SHARPIN: variants seen among roughly 807,000 people sequenced by gnomAD.
SHARPIN encodes SHANK associated RH domain interactor, also known as hSIPL1.
Under a neutral mutation model 40.3 loss-of-function variants are expected in SHARPIN, and 25 were observed. The observed-to-expected ratio is 0.62, with a 90% CI of 0.45 to 0.87. SHARPIN has a LOEUF of 0.87. SHARPIN is among the 40% of genes least tolerant of loss of function. The pLI is 0.00. For synonymous variants in SHARPIN, 274 were observed against 221.8 expected (o/e 1.24, Z -2.09); for missense variants, 551 against 516.1 (o/e 1.07, Z -0.66).
chr8:144,099,124 G>A lies in SHARPIN; in HGVS notation c.1004C>T (p.Pro335Leu), dbSNP rs1836229646. ...GCTGGAGGCAGCTGGCTGGGGGCCTGGGGGTAGCCCCAATGATGGGGGAAA... is the reference window on the plus strand; with the variant it reads ...GCTGGAGGCAGCTGGCTGGGGGCCTAGGGGTAGCCCCAATGATGGGGGAAA... ...RLFPPSLGLP[P>L]GPQPAASSLP... Residue 335 changes from proline (P) to leucine (L), a missense_variant, in exon 7 of 9, where the codon CCA becomes CTA. Physicochemically the swap from Pro to Leu is moderately conservative, Grantham distance 98 (BLOSUM62 -3). Transcript: ENST00000398712. 6.3e-7 allele frequency: 1 copy of A among 1,587,800 alleles called. No individual in the cohort carries two copies. The highest frequency in any genetic ancestry group is 8.6e-7 in the Non-Finnish European group (1 of 1,167,508).
Position 144,103,759 on chromosome 8 carries a change from G to A in SHARPIN, c.-6C>T. ...CCGCCCGCTGGCGGCGCCATCTCCG[G>A]TCCGGCCGGGTCCCACCCCTCCGAG... On this transcript the variant is annotated 5_prime_UTR_variant, in exon 1 of 9. Transcript: ENST00000398712. The A allele has an allele frequency of 7.3e-7, 1 of 1,365,336 alleles. No homozygotes were observed. The highest frequency in any genetic ancestry group is 1.5e-5 in the African/African-American group (1 of 65,198). 84.6% of individuals were successfully genotyped at this position (1,365,336 alleles called of 1,614,324 possible).
intron 2 of SHARPIN, among the ~76,000 whole-genome samples, chr8:144,101,817 G>C (rs1445808735): frequency 6.6e-6 from 1 of 152,110 alleles, no homozygotes; most frequent in African/African-American, 2.4e-5. Flanking sequence ...ATAGGATGGG[G>C]ATGGGAGGTT....
In SHARPIN at chr8:144,103,733, C is replaced by T. The variant is rs980889701; in HGVS notation, c.21G>A (p.Gly7=). 5.4e-4 allele frequency: 745 copies of T among 1,386,506 alleles called. 2 individuals carry two copies. Among genetic ancestry groups the T allele is most frequent in the Non-Finnish European group, 5.1e-4 (552 of 1,076,780 alleles). 85.9% of individuals were successfully genotyped at this position (1,386,506 alleles called of 1,614,324 possible). Residue 7 remains glycine (G), a synonymous_variant, in exon 1 of 9, where the codon GGG becomes GGA. Transcript: ENST00000398712. ...CCAAGTCCGAGGCCGCCGCCGCCGC[C>T]CCGCCCGCTGGCGGCGCCATCTCCG... MAPPAG[G]AAAAASDLGS... is the part of the protein sequence containing the mutation.
chr8:144,101,958 T>C (rs1239131008), intron 2 of SHARPIN, among the ~76,000 whole-genome samples: 1 of 152,246 alleles, frequency 6.6e-6, no homozygotes, highest in Non-Finnish European at 1.5e-5. Flanking sequence ...ACTGTCTGGC[T>C]GTCTTCCTAC....
At chr8:144,100,344 GCT>G (rs368352063) in intron 2 of SHARPIN, among the ~76,000 whole-genome samples, 5 of 152,226 alleles carry the variant, frequency 3.3e-5, no homozygotes, top group East Asian at 1.9e-4. Context: ...ACCTCTCTTG[GCT>G]CTTTCTGCCA....
intron 2 of SHARPIN, among the ~76,000 whole-genome samples, chr8:144,101,568 C>G (rs1836287903): frequency 7.3e-6 from 1 of 137,678 alleles, no homozygotes; most frequent in Admixed American, 8.2e-5. Context: ...ACCACCACAC[C>G]CAGCTAATTT....
At chr8:144,101,299 C>T (rs1342737950) in intron 2 of SHARPIN, among the ~76,000 whole-genome samples, 1 of 151,556 alleles carries the variant, frequency 6.6e-6, no homozygotes, top group Non-Finnish European at 1.5e-5. Context: ...TGCAGTGGCA[C>T]GATCACAGCT....
In SHARPIN at chr8:144,099,341, G is replaced by A. The variant is rs373174477; in HGVS notation, c.858C>T (p.Tyr286=). ...LCVPERSLAS[Y]GVRQDGDPAF... The stretch of plus-strand genomic sequence containing the variant: ...CAGGGTCCCCATCCTGCCGAACCCC[G>A]TAAGAGGCAAGGCTGCGCTCAGGCA... Residue 286 remains tyrosine (Y), a synonymous_variant, in exon 6 of 9, where the codon TAC becomes TAT. Coordinates refer to ENST00000398712, the MANE Select transcript of SHARPIN (RefSeq NM_030974.4). 166 of 1,613,972 alleles carry A rather than the reference G, an allele frequency of 1.0e-4. No homozygotes were observed. Among genetic ancestry groups the A allele is most frequent in the Admixed American group, 2.7e-4 (16 of 59,992 alleles).
At chr8:144,103,515 C>A in intron 1 of SHARPIN, 38 bp downstream of exon 1, 1 of 1,525,908 alleles carries the variant, frequency 6.6e-7, no homozygotes, top group Non-Finnish European at 8.8e-7. Flanking sequence ...CCTGCCCGGG[C>A]CAAGAGGACT....
Position 144,099,990 on chromosome 8 carries a change from T to A in SHARPIN, c.456A>T (p.Thr152=). ...VSLPSPPEAS[T]LKGPPPEADL... ...CTGCCTCAGGTGGAGGGCCCTTGAG[T>A]GTGGAGGCTTCCGGGGGACTGGGCA... is the stretch of plus-strand genomic sequence containing the variant. Residue 152 remains threonine (T), a synonymous_variant, in exon 3 of 9, where the codon ACA becomes ACT. Transcript: ENST00000398712. 6.2e-7 allele frequency: 1 copy of A among 1,604,970 alleles called. No homozygotes were observed. Among genetic ancestry groups the A allele is most frequent in the Non-Finnish European group, 8.5e-7 (1 of 1,177,220 alleles).
At chr8:144,100,176 C>A in intron 2 of SHARPIN, 107 bp from the exon 3 acceptor site, 1 of 1,395,200 alleles carries the variant, frequency 7.2e-7, no homozygotes, top group Non-Finnish European at 9.6e-7. Context: ...CATGCCAGGG[C>A]CCTGCCTCAG....
At position 144,098,884 on chromosome 8, in the gene SHARPIN, G is replaced by A. The variant is rs1836222793; in HGVS notation, c.1158C>T (p.Ser386=). 1 of 1,588,006 alleles carries A rather than the reference G, an allele frequency of 6.3e-7. No individual in the cohort carries two copies. Among genetic ancestry groups the A allele is most frequent in the East Asian group, 2.3e-5 (1 of 43,736 alleles). ...PCTWDPLAAA[S]T is the part of the protein sequence containing the mutation. ...CTGGTACCTCTGGTGGCTGCTAGGT[G>A]GAAGCTGCAGCAAGGGGGTCCCAAG... The change falls in exon 8 of 9, where the codon TCC becomes TCT. Residue 386 remains serine (S), a synonymous_variant. Transcript: ENST00000398712.
At position 144,103,234 on chromosome 8, in the gene SHARPIN, A is replaced by AG; in HGVS notation, c.202-10dup. 5 of 1,597,364 alleles carry AG rather than the reference A, an allele frequency of 3.1e-6. No homozygotes were observed. In the South Asian group the frequency reaches 5.6e-5, roughly 18 times the overall value. ...GGCCACTCCAAATTAACCTGAGAAG[A>AG]GGGAGAGTCCAGGCTCAGGGCGTCC... On this transcript the variant is annotated splice_polypyrimidine_tract_variant and intron_variant, in intron 1 of 8. Coordinates refer to ENST00000398712, the MANE Select transcript of SHARPIN (RefSeq NM_030974.4).
At position 144,102,972 on chromosome 8, in the gene SHARPIN, G is replaced by A. The variant is rs1587613862; in HGVS notation, c.376+79C>T. ...TCCCAGACATCCAGCAGTGGGGAAG[G>A]TGGATCCAACTTCCCCAACCAGGAC... On this transcript the variant is annotated intron_variant, in intron 2 of 8. Transcript: ENST00000398712. 16 of 1,550,346 alleles carry A rather than the reference G, an allele frequency of 1.0e-5. No individual in the cohort carries two copies. In the East Asian group the frequency reaches 3.6e-4, roughly 35 times the overall value.
intron 1 of SHARPIN, 46 bp downstream of exon 1, chr8:144,103,507 T>G (rs975124403): frequency 1.5e-5 from 23 of 1,518,466 alleles, no homozygotes; most frequent in Non-Finnish European, 2.0e-5. Flanking sequence ...CTCCGTGCCC[T>G]GCCCGGGCCA....
chr8:144,098,840 TC>T, intron 8 of SHARPIN, 25 bp downstream of exon 8: 2 of 1,496,402 alleles, frequency 1.3e-6, no homozygotes, highest in Non-Finnish European at 1.8e-6. Flanking sequence ...GCCCCCCACC[TC>T]CCCTGCCTGT....
At chr8:144,101,873 C>T (rs1335803742) in intron 2 of SHARPIN, among the ~76,000 whole-genome samples, 1 of 152,184 alleles carries the variant, frequency 6.6e-6, no homozygotes, top group Non-Finnish European at 1.5e-5. Flanking sequence ...CTGCTGAATA[C>T]ATATGCTTGG....
chr8:144,101,598 T>TAA (rs1358486319), intron 2 of SHARPIN, among the ~76,000 whole-genome samples: 1 of 4,140 alleles, frequency 2.4e-4, no homozygotes, highest in African/African-American at 2.8e-4. Context: ...TTTTTTTTTT[T>TAA]TAGTAGTCAG....
intron 4 of SHARPIN, 22 bp from the exon 5 acceptor site, chr8:144,099,640 G>A (rs1405925232): frequency 6.2e-7 from 1 of 1,613,422 alleles, no homozygotes; most frequent in African/African-American, 1.3e-5. Context: ...TGTGGGTTCA[G>A]GGATGGATGG....
Sources: gnomAD v4.1 joint callset for allele counts (sites outside exome capture counted in the v4.1 genomes callset) on GRCh38, gnomAD v4.1.1 for gene constraint, MANE v1.5 for transcripts, NCBI Gene and HGNC (gene_info 2026-07-23, HGNC 2026-07-21) for gene names.